Variants in CTBS observed in about 807,000 individuals in gnomAD.
CTBS encodes di-N-acetylchitobiase.
Under a neutral mutation model 44.3 loss-of-function variants are expected in CTBS, and 35 were observed. That is an observed-to-expected ratio of 0.79 (90% CI 0.60 to 1.05). The LOEUF is 1.05. Among genes scored for constraint, CTBS ranks in the 50% least tolerant of loss-of-function variants. The pLI is 0.00. For synonymous variants in CTBS, 143 were observed against 168.0 expected (o/e 0.85, Z 1.15); for missense variants, 458 against 475.3 (o/e 0.96, Z 0.34).
chr1:84,571,640 G>A (rs1343567509), intron 1 of CTBS, among the ~76,000 whole-genome samples: 2 of 152,156 alleles, frequency 1.3e-5, no homozygotes, highest in African/African-American at 4.8e-5. Context: ...AAGGTACAAG[G>A]AGAGTATTTT....
chr1:84,563,026 T>A (rs894294770), intron 6 of CTBS, among the ~76,000 whole-genome samples: 1 of 152,308 alleles, frequency 6.6e-6, no homozygotes, highest in East Asian at 1.9e-4. Flanking sequence ...ATCATCTAAA[T>A]GACAAGTGGC....
chr1:84,563,142 T>G, intron 6 of CTBS, 115 bp downstream of exon 6: 1 of 625,748 alleles, frequency 1.6e-6, no homozygotes, highest in Non-Finnish European at 2.5e-6. Flanking sequence ...AATAGCAGTC[T>G]GCATGTTATG....
chr1:84,550,442 T>A lies in CTBS; in HGVS notation c.*4557A>T. The A allele has an allele frequency of 6.5e-7, 1 of 1,535,348 alleles. No individual in the cohort carries two copies. Among genetic ancestry groups the A allele is most frequent in the Non-Finnish European group, 8.8e-7 (1 of 1,136,388 alleles). ...TATCTATCCACACAGAATTACCTAA[T>A]AATCCAGATCACTGAGGTACAGCAT... On this transcript the variant is annotated 3_prime_UTR_variant, in exon 7 of 7. Transcript: ENST00000370630.
rs1684293384 is a variant in CTBS at position 84,552,169 on chromosome 1, A to AG, written c.*2829_*2830insC. Reference sequence around the variant, plus strand: ...TGATCTCCCCAAAACAGCACTACCTATAAGATTCAGAACTAAGGGACAAAA... The same window carrying AG: ...TGATCTCCCCAAAACAGCACTACCTAGTAAGATTCAGAACTAAGGGACAAAA... On this transcript the variant is annotated 3_prime_UTR_variant, in exon 7 of 7. Transcript: ENST00000370630. 6.6e-6 allele frequency: 1 copy of AG among 152,196 alleles called. No individual in the cohort carries two copies. The highest frequency in any genetic ancestry group is 2.4e-5 in the African/African-American group (1 of 41,448). 9.4% of individuals were successfully genotyped at this position (152,196 alleles called of 1,614,324 possible).
chr1:84,565,414 G>A (rs1684682021), intron 4 of CTBS, among the ~76,000 whole-genome samples: 1 of 152,142 alleles, frequency 6.6e-6, no homozygotes, highest in African/African-American at 2.4e-5. Context: ...ATCATGCAAT[G>A]AAGGTGCCCA....
chr1:84,553,088 G>GA lies in CTBS; in HGVS notation c.*1910dup, dbSNP rs759280571. On this transcript the variant is annotated 3_prime_UTR_variant, in exon 7 of 7. Transcript: ENST00000370630. ...GAACATTGAAAACTGAACTGGCACA[G>GA]AAAAAAAAAATAATACATCTCTACA... 4.9e-3 allele frequency: 6,606 copies of GA among 1,353,062 alleles called. No homozygotes were observed. The highest frequency in any genetic ancestry group is 7.6e-3 in the Admixed American group (287 of 37,780). The allele number at this position is 1,353,062 out of a possible 1,614,324, so 83.8% of individuals were successfully genotyped here.
chr1:84,555,480 T>C (rs369314997), intron 6 of CTBS, among the ~76,000 whole-genome samples: 2 of 152,368 alleles, frequency 1.3e-5, no homozygotes, highest in Admixed American at 6.5e-5. Context: ...ATTTCGTTCA[T>C]TTTCAACTTA....
intron 6 of CTBS, among the ~76,000 whole-genome samples, chr1:84,557,857 CA>C (rs375521066): frequency 1.1e-3 from 124 of 117,714 alleles, no homozygotes; most frequent in Middle Eastern, 4.7e-3. Flanking sequence ...GACTCCATCT[CA>C]AAAAAAAAAA....
rs1647406642 is a variant in CTBS, at chr1:84,574,351, A to G, written c.65T>C (p.Leu22Pro). The G allele has an allele frequency of 7.1e-6, 11 of 1,553,868 alleles. No individual in the cohort carries two copies. Among genetic ancestry groups the G allele is most frequent in the Non-Finnish European group, 9.6e-6 (11 of 1,148,564 alleles). Reference protein sequence around the residue: ...VSSPPSGVPGLALLALLALLA... With the variant: ...VSSPPSGVPGPALLALLALLA... ...CAGCGCCAGCAGCGCCAGCAGCGCT[A>G]GACCCGGGACGCCGCTCGGCGGGCT... The change falls in exon 1 of 7, where the codon CTA becomes CCA. Residue 22 changes from leucine to proline, a missense_variant. Coordinates refer to ENST00000370630, the MANE Select transcript of CTBS (RefSeq NM_004388.3).
In CTBS at chr1:84,552,198, A is replaced by C. The variant is rs1570458650; in HGVS notation, c.*2801T>G. The C allele has an allele frequency of 1.3e-5, 2 of 152,144 alleles. No individual in the cohort carries two copies. The highest frequency in any genetic ancestry group is 2.4e-5 in the African/African-American group (1 of 41,432). 9.4% of individuals were successfully genotyped at this position (152,144 alleles called of 1,614,324 possible). ...GATTCAGAACTAAGGGACAAAAAAA[A>C]CCCAGCCTGAGTCTCTTGCAACCAT... On this transcript the variant is annotated 3_prime_UTR_variant, in exon 7 of 7. Transcript: ENST00000370630.
rs570063308 is a variant in CTBS, at chr1:84,574,339, G to T, written c.77C>A (p.Ala26Glu). The T allele has an allele frequency of 9.9e-4, 1,552 of 1,573,250 alleles. 24 individuals carry two copies. The South Asian group carries it at 0.016, about 16-fold the overall frequency. ...PSGVPGLALLALLALLALRLA... is the reference protein window; with the variant it reads ...PSGVPGLALLELLALLALRLA... ...CCGCAGCGCCAGCAGCGCCAGCAGC[G>T]CCAGCAGCGCTAGACCCGGGACGCC... Residue 26 changes from alanine to glutamate, a missense_variant, in exon 1 of 7, where the codon GCG (alanine) becomes GAG (glutamate). By Grantham distance (107) the Ala-to-Glu change is moderately radical. Coordinates refer to ENST00000370630, the MANE Select transcript of CTBS (RefSeq NM_004388.3).
chr1:84,561,279 G>T (rs1331880609), intron 6 of CTBS, among the ~76,000 whole-genome samples: 1 of 152,210 alleles, frequency 6.6e-6, no homozygotes. Context: ...TTCAGTGAAG[G>T]AAGTAACTGC....
intron 4 of CTBS, among the ~76,000 whole-genome samples, chr1:84,565,576 T>C (rs988755611): frequency 2.6e-5 from 4 of 152,198 alleles, no homozygotes; most frequent in Admixed American, 6.5e-5. Flanking sequence ...TTAATAGTTA[T>C]GCAATCATGA....
chr1:84,556,097 AT>A (rs1456703587), intron 6 of CTBS: 3 of 152,176 alleles, frequency 2.0e-5, no homozygotes, highest in Non-Finnish European at 4.4e-5. Flanking sequence ...TGAGCCATAA[AT>A]TAGATTCTGG....
Position 84,570,605 on chromosome 1 carries a change from T to C in CTBS, c.293A>G (p.Lys98Arg). 7 of 1,613,368 alleles carry C rather than the reference T, an allele frequency of 4.3e-6. No individual in the cohort carries two copies. Among genetic ancestry groups the C allele is most frequent in the Non-Finnish European group, 5.9e-6 (7 of 1,179,506 alleles). ...DSELMCYAHS[K>R]GARVVLKGDV... The stretch of plus-strand genomic sequence containing the variant: ...ACCTTTAAGTACTACTCTGGCTCCT[T>C]TTGAATGAGCGTAGCACATAAGTTC... Residue 98 changes from lysine to arginine, a missense_variant, in exon 2 of 7, where the codon AAA (lysine) becomes AGA (arginine). Coordinates refer to ENST00000370630, the MANE Select transcript of CTBS (RefSeq NM_004388.3).
intron 6 of CTBS, among the ~76,000 whole-genome samples, chr1:84,557,684 T>C (rs1371291751): frequency 1.3e-5 from 2 of 150,350 alleles, no homozygotes; most frequent in Non-Finnish European, 3.0e-5. Context: ...TGAAACCCCG[T>C]CTCTATTAAA....
intron 6 of CTBS, among the ~76,000 whole-genome samples, chr1:84,558,266 T>C (rs1455395240): frequency 6.6e-6 from 1 of 151,706 alleles, no homozygotes; most frequent in Non-Finnish European, 1.5e-5. Flanking sequence ...ACACCATAAA[T>C]ACAGATAATT....
intron 6 of CTBS, among the ~76,000 whole-genome samples, chr1:84,557,081 A>C (rs1325355266): frequency 6.6e-6 from 1 of 152,060 alleles, no homozygotes; most frequent in Non-Finnish European, 1.5e-5. Flanking sequence ...GGCAAAAACT[A>C]AGCACATGTA....
At chr1:84,564,216 A>C (rs1684646480) in intron 4 of CTBS, among the ~76,000 whole-genome samples, 1 of 152,228 alleles carries the variant, frequency 6.6e-6, no homozygotes, top group Admixed American at 6.5e-5. Flanking sequence ...ACTTTCTAGC[A>C]GTGATGGTCT....
Sources: gnomAD v4.1 joint callset for allele counts (sites outside exome capture counted in the v4.1 genomes callset) on GRCh38, gnomAD v4.1.1 for gene constraint, MANE v1.5 for transcripts, NCBI Gene and HGNC (gene_info 2026-07-23, HGNC 2026-07-21) for gene names.